TSPEAR: variants seen among roughly 807,000 people sequenced by gnomAD.
The protein encoded by TSPEAR is thrombospondin-type laminin G domain and EAR repeat-containing protein.
In TSPEAR, 69 loss-of-function variants were observed where a neutral mutation model predicts 71.6. The observed-to-expected ratio is 0.96, with a 90% CI of 0.79 to 1.18. The LOEUF (loss-of-function observed/expected upper bound fraction) is 1.18, where lower values mean the gene tolerates loss of function less well. Among genes scored for constraint, TSPEAR ranks in the 50% most tolerant of loss-of-function variants. TSPEAR has a pLI of 0.00. For missense variants in TSPEAR, 971 were observed against 894.9 expected, an observed-to-expected ratio of 1.09 and a Z score of -1.09; for synonymous variants, 402 against 387.2, an observed-to-expected ratio of 1.04 and a Z score of -0.45.
chr21:44,637,472 G>A, intron 1 of TSPEAR: 1 of 1,613,350 alleles, frequency 6.2e-7, no homozygotes, highest in Non-Finnish European at 8.5e-7. Context: ...CTCTTGGCGG[G>A]TAGTCGACTG....
chr21:44,647,231 C>T (rs1555940327), intron 1 of TSPEAR: 12 of 1,605,790 alleles, frequency 7.5e-6, no homozygotes, highest in Non-Finnish European at 1.0e-5. Context: ...TCCTGCTGTG[C>T]CCCCACCTCC....
chr21:44,665,816 T>C (rs2329840), intron 1 of TSPEAR, among the ~76,000 whole-genome samples: 108,888 of 152,118 alleles, frequency 0.72, 39,432 homozygotes, highest in African/African-American at 0.82. Context: ...TTCTGTAAAC[T>C]TGAGATCCTC....
intron 1 of TSPEAR, among the ~76,000 whole-genome samples, chr21:44,600,237 G>A (rs1332441342): frequency 2.6e-5 from 4 of 152,052 alleles, no homozygotes; most frequent in East Asian, 3.9e-4. Flanking sequence ...GCCCACAGGC[G>A]CTGGGATTAG....
chr21:44,670,814 A>G (rs587730985), intron 1 of TSPEAR, among the ~76,000 whole-genome samples: 1 of 152,264 alleles, frequency 6.6e-6, no homozygotes. Flanking sequence ...GGGGCCCAAC[A>G]GATCTTGTAT....
At chr21:44,653,773 C>T (rs1264755902) in intron 1 of TSPEAR, among the ~76,000 whole-genome samples, 4 of 152,192 alleles carry the variant, frequency 2.6e-5, no homozygotes, top group Non-Finnish European at 2.9e-5. Flanking sequence ...ACGAAGGAAG[C>T]CTGATGTGAC....
chr21:44,649,132 A>G (rs1488969504), intron 1 of TSPEAR, among the ~76,000 whole-genome samples: 1 of 152,186 alleles, frequency 6.6e-6, no homozygotes, highest in African/African-American at 2.4e-5. Context: ...ACAGAGCCGG[A>G]CGGCTCCTGG....
At chr21:44,534,673 T>C (rs1477756762) in intron 2 of TSPEAR, among the ~76,000 whole-genome samples, 2 of 152,138 alleles carry the variant, frequency 1.3e-5, no homozygotes, top group Non-Finnish European at 2.9e-5. Context: ...CTGGAACTCT[T>C]GCGCACTGTT....
Position 44,687,495 on chromosome 21 carries a change from G to A in TSPEAR, c.82+23938C>T, listed in dbSNP as rs561362994. Among the ~76,000 whole-genome samples the A allele has an allele frequency of 4.6e-5, 7 of 152,320 alleles. No individual in the cohort carries two copies. The highest frequency in any genetic ancestry group is 3.3e-4 in the Admixed American group (5 of 15,302). On this transcript the variant is annotated intron_variant, in intron 1 of 11. Coordinates refer to ENST00000323084, the MANE Select transcript of TSPEAR (RefSeq NM_144991.3). This position sits in a 1 kb window ranked among gnomAD's most constrained non-coding sequence, Gnocchi z 4.4. ...ACGCACACGGCAACAGGAACGCATC[G>A]CAGAAACACCGCGCGGGGTGGGAGA...
Position 44,612,197 on chromosome 21 carries a change from C to T in TSPEAR, c.83-44192G>A. On this transcript the variant is annotated intron_variant, in intron 1 of 11. Coordinates refer to ENST00000323084, the MANE Select transcript of TSPEAR (RefSeq NM_144991.3). The surrounding 1 kb of genome is among the most constrained non-coding windows in gnomAD (Gnocchi z 4.1). ...GGGCCATGTCAGCCGAGTCTCCTCC[C>T]CCAGCACCTGCACTGGCTCCTCCTG... The T allele has an allele frequency of 1.2e-6, 2 of 1,613,996 alleles. No homozygotes were observed. The highest frequency in any genetic ancestry group is 1.7e-5 in the Admixed American group (1 of 60,010).
chr21:44,551,745 C>T (rs1232095589), intron 2 of TSPEAR, among the ~76,000 whole-genome samples: 15 of 152,138 alleles, frequency 9.9e-5, no homozygotes, highest in East Asian at 3.9e-4. Flanking sequence ...TGAGCCTGTC[C>T]CCCGGGAACA....
intron 1 of TSPEAR, among the ~76,000 whole-genome samples, chr21:44,669,022 A>G (rs187223501): frequency 3.9e-4 from 59 of 152,314 alleles, no homozygotes; most frequent in African/African-American, 1.3e-3. Context: ...ATTGAAGAAG[A>G]GTTCATGAAC....
intron 1 of TSPEAR, chr21:44,697,715 C>T (rs782708419): frequency 1.2e-6 from 2 of 1,611,252 alleles, no homozygotes; most frequent in South Asian, 1.1e-5. Context: ...GGCCTCCTCT[C>T]TGTGCTGCCA....
At position 44,562,554 on chromosome 21, in the gene TSPEAR, C is replaced by T. The variant is rs377681670; in HGVS notation, c.303+5231G>A. 1.8e-3 allele frequency among the ~76,000 whole-genome samples: 279 copies of T among 152,152 alleles called. 4 individuals carry two copies. Among genetic ancestry groups the T allele is most frequent in the African/African-American group, 6.1e-3 (253 of 41,526 alleles). On this transcript the variant is annotated intron_variant, in intron 2 of 11. Transcript: ENST00000323084. Reference sequence around the variant, plus strand: ...CTAAGGTGGAGACACACAAAAGATACGCAAACAGACATATCATAGTAAAAA... The same window carrying T: ...CTAAGGTGGAGACACACAAAAGATATGCAAACAGACATATCATAGTAAAAA...
intron 2 of TSPEAR, among the ~76,000 whole-genome samples, chr21:44,561,267 C>T (rs2053628547): frequency 6.6e-6 from 1 of 152,138 alleles, no homozygotes; most frequent in African/African-American, 2.4e-5. Flanking sequence ...CATACACCCT[C>T]CCAAGACTAA....
intron 1 of TSPEAR, chr21:44,580,715 C>T: frequency 2.1e-6 from 2 of 942,000 alleles, no homozygotes; most frequent in South Asian, 3.3e-5. Context: ...CGTGTGTTGT[C>T]CCGACAGGAG....
intron 1 of TSPEAR, chr21:44,697,655 T>C: frequency 6.2e-7 from 1 of 1,614,002 alleles, no homozygotes; most frequent in South Asian, 1.1e-5. Context: ...ACAGTCCTGC[T>C]GTGTGCCCGT....
chr21:44,558,307 A>G, intron 2 of TSPEAR: 1 of 1,614,116 alleles, frequency 6.2e-7, no homozygotes, highest in Non-Finnish European at 8.5e-7. Flanking sequence ...GACTGCTGGC[A>G]GCATGAAGAG....
At chr21:44,553,148 C>T (rs1172815128) in intron 2 of TSPEAR, among the ~76,000 whole-genome samples, 1 of 152,242 alleles carries the variant, frequency 6.6e-6, no homozygotes, top group Non-Finnish European at 1.5e-5. Context: ...GCATTCCAAG[C>T]ACTTGGCATC....
chr21:44,594,433 G>T (rs1003306803), intron 1 of TSPEAR, among the ~76,000 whole-genome samples: 121 of 152,190 alleles, frequency 8.0e-4, no homozygotes, highest in Non-Finnish European at 3.4e-4. Flanking sequence ...CTTGTTGAAA[G>T]TGTGCTGGGT....
Sources: allele counts gnomAD v4.1 joint callset (sites outside exome capture counted in the v4.1 genomes callset), GRCh38; gene constraint gnomAD v4.1.1; non-coding constraint Gnocchi (gnomAD v3.1); transcripts MANE v1.5; gene names NCBI Gene and HGNC (gene_info 2026-07-23, HGNC 2026-07-21).